The following OSBPL10 variants were observed in gnomAD, a reference collection of about 807,000 sequenced individuals.
OSBPL10 encodes the protein oxysterol binding protein like 10, also known as oxysterol-binding protein-related protein 10.
Under a neutral mutation model 81.7 loss-of-function variants are expected in OSBPL10, and 49 were observed. The observed-to-expected ratio is 0.60, with a 90% CI of 0.48 to 0.76. OSBPL10 has a LOEUF of 0.76. OSBPL10 is among the 30% of genes least tolerant of loss of function. OSBPL10 has a pLI of 0.00. For missense variants in OSBPL10, 923 were observed against 987.8 expected (o/e 0.93, Z 0.88); for synonymous variants, 419 against 383.6 (o/e 1.09, Z -1.08).
rs141415495 is a variant in OSBPL10, at chr3:31,880,619, C to G, written c.282-789G>C. ...CAGATTCTTACTGTGGCCTTGAGGC[C>G]CGCCCCTGCTGACTTTTCTACCTTC... is the stretch of plus-strand genomic sequence containing the variant. On this transcript the variant is annotated intron_variant, in intron 1 of 11. Transcript: ENST00000396556. 9.1e-4 allele frequency among the ~76,000 whole-genome samples: 139 copies of G among 152,308 alleles called. No individual in the cohort carries two copies. The East Asian group carries it at 0.025, about 27-fold the overall frequency.
intron 1 of OSBPL10, among the ~76,000 whole-genome samples, chr3:31,897,009 C>G (rs1186838521): frequency 4.6e-5 from 7 of 152,016 alleles, no homozygotes; most frequent in Non-Finnish European, 8.8e-5. Flanking sequence ...CTAAGCATCA[C>G]AAAGCACTAA....
chr3:31,909,072 A>T (rs1030969986), intron 1 of OSBPL10, among the ~76,000 whole-genome samples: 2 of 152,232 alleles, frequency 1.3e-5, no homozygotes. Flanking sequence ...ATTCTTAATG[A>T]CTGTGTTAAG....
At chr3:31,995,874 C>A (rs183549828) in intron 2 of OSBPL10, among the ~76,000 whole-genome samples, 1 of 152,162 alleles carries the variant, frequency 6.6e-6, no homozygotes, top group Non-Finnish European at 1.5e-5. Context: ...TTAGTGTGAT[C>A]AATGCAGTGC....
At chr3:31,704,600 G>C (rs1021474406) in intron 6 of OSBPL10, 2 of 152,162 alleles carry the variant, frequency 1.3e-5, no homozygotes, top group African/African-American at 4.8e-5. Flanking sequence ...TTTTCTGCTT[G>C]AAATTAGCTG....
intron 4 of OSBPL10, among the ~76,000 whole-genome samples, chr3:31,826,176 G>A (rs554168658): frequency 6.6e-6 from 1 of 152,252 alleles, no homozygotes; most frequent in South Asian, 2.1e-4. Flanking sequence ...ATGCAGTTTG[G>A]TTTATGTTTC....
intron 1 of OSBPL10, among the ~76,000 whole-genome samples, chr3:32,076,498 C>T (rs865966976): frequency 3.9e-5 from 6 of 152,118 alleles, no homozygotes; most frequent in Non-Finnish European, 8.8e-5. Context: ...CACGGACACG[C>T]GTGACACAAC....
At chr3:31,987,664 G>A (rs1490510311) in intron 2 of OSBPL10, among the ~76,000 whole-genome samples, 1 of 152,186 alleles carries the variant, frequency 6.6e-6, no homozygotes, top group Non-Finnish European at 1.5e-5. Context: ...GCCCAGGCTT[G>A]TTTTCATGGC....
intron 4 of OSBPL10, chr3:31,794,865 T>C (rs1403423731): frequency 5.3e-6 from 2 of 379,368 alleles, no homozygotes; most frequent in Non-Finnish European, 1.0e-5. Context: ...TGGATGACAC[T>C]GAAAACCTTC....
At position 32,030,467 on chromosome 3, in the gene OSBPL10, TGCGTATTAA is replaced by T. The variant is rs1412352996; in HGVS notation, n.298+16015_298+16023del. On this transcript the variant is annotated intron_variant and non_coding_transcript_variant, in intron 2 of 3. Transcript: ENST00000479173. ...AAGATTCTTGCCAAGAGAATTAATGTGCGTATTAAGCGTATTAAGCACTCTAAGGGCTGA... is the reference window on the plus strand; with the variant it reads ...AAGATTCTTGCCAAGAGAATTAATGTGCGTATTAAGCACTCTAAGGGCTGA... 14 of 694,226 alleles carry T rather than the reference TGCGTATTAA, an allele frequency of 2.0e-5. No individual in the cohort carries two copies. The Admixed American group carries it at 2.2e-4, about 11-fold the overall frequency. The allele number at this position is 694,226 out of a possible 1,614,324, so 43.0% of individuals were successfully genotyped here. A position where few individuals can be genotyped will look rare whatever the true frequency, so the allele number is the denominator to read the frequency against.
chr3:31,776,152 G>C (rs1423314362), intron 4 of OSBPL10, among the ~76,000 whole-genome samples: 3 of 152,056 alleles, frequency 2.0e-5, no homozygotes. Flanking sequence ...CTGTGTGTCA[G>C]GTCTTAAAAT....
intron 3 of OSBPL10, among the ~76,000 whole-genome samples, chr3:31,865,247 T>C (rs1035795244): frequency 2.0e-5 from 3 of 152,216 alleles, no homozygotes; most frequent in Non-Finnish European, 4.4e-5. Context: ...TCTGTGATAA[T>C]GGAAATGCTC....
rs544657182 is a variant in OSBPL10 at position 31,777,478 on chromosome 3, G to A, written c.730-29358C>T. 1.2e-4 allele frequency among the ~76,000 whole-genome samples: 18 copies of A among 152,308 alleles called. No individual in the cohort carries two copies. The South Asian group carries it at 3.7e-3, about 32-fold the overall frequency. On this transcript the variant is annotated intron_variant, in intron 4 of 11. Transcript: ENST00000396556. The stretch of plus-strand genomic sequence containing the variant: ...TTCTCTGCAAGAGTGTACAGCACAG[G>A]ACTGGGTTCAAGATGGCAGACAGGA...
intron 1 of OSBPL10, among the ~76,000 whole-genome samples, chr3:31,971,370 C>G (rs915960848): frequency 6.6e-6 from 1 of 151,988 alleles, no homozygotes; most frequent in African/African-American, 2.4e-5. Context: ...GAACTCCTGA[C>G]CTCAGGTGAT....
intron 5 of OSBPL10, among the ~76,000 whole-genome samples, chr3:31,747,155 T>G (rs960017051): frequency 6.6e-6 from 1 of 151,866 alleles, no homozygotes; most frequent in African/African-American, 2.4e-5. Flanking sequence ...ACTAACATGG[T>G]GAAACCCCGT....
At chr3:32,067,777 C>G (rs531798503) in intron 1 of OSBPL10, among the ~76,000 whole-genome samples, 216 of 152,308 alleles carry the variant, frequency 1.4e-3, no homozygotes, top group Non-Finnish European at 2.5e-3. Context: ...ACTCCACCAC[C>G]TATCCTGAAA....
chr3:31,830,359 G>A, intron 3 of OSBPL10, 128 bp from the exon 4 acceptor site: 1 of 957,866 alleles, frequency 1.0e-6, no homozygotes, highest in Non-Finnish European at 1.5e-6. Context: ...AGGTATGAAG[G>A]AGGTATAACA....
At chr3:31,749,508 C>T (rs1436988365) in intron 4 of OSBPL10, among the ~76,000 whole-genome samples, 1 of 152,202 alleles carries the variant, frequency 6.6e-6, no homozygotes, top group African/African-American at 2.4e-5. Flanking sequence ...CTCATTTCTT[C>T]TCCAGGTCTT....
intron 2 of OSBPL10, among the ~76,000 whole-genome samples, chr3:31,995,167 A>G (rs1385650571): frequency 6.6e-6 from 1 of 152,190 alleles, no homozygotes; most frequent in Admixed American, 6.5e-5. Context: ...TAAACATCTT[A>G]ACAGAAAACA....
At chr3:31,770,320 A>G (rs1476458874) in intron 4 of OSBPL10, among the ~76,000 whole-genome samples, 1 of 152,218 alleles carries the variant, frequency 6.6e-6, no homozygotes, top group Non-Finnish European at 1.5e-5. Context: ...CCCCATCAAC[A>G]ATTTCAAAGA....
Sources: allele counts gnomAD v4.1 joint callset (sites outside exome capture counted in the v4.1 genomes callset), GRCh38; gene constraint gnomAD v4.1.1; transcripts MANE v1.5; gene names NCBI Gene and HGNC (gene_info 2026-07-23, HGNC 2026-07-21).